PKNOX2: variants seen among roughly 807,000 people sequenced by gnomAD.
PKNOX2 encodes the protein homeobox protein PKNOX2.
In PKNOX2, 14 loss-of-function variants were observed where a neutral mutation model predicts 53.1. The observed-to-expected ratio is 0.26, with a 90% CI of 0.17 to 0.41. The LOEUF is 0.41. Ranked by LOEUF, PKNOX2 falls within the 10% of genes least tolerant of loss-of-function variation. The pLI is 1.00. For missense variants in PKNOX2, 496 were observed against 602.8 expected, an observed-to-expected ratio of 0.82 and a Z score of 1.85; for synonymous variants, 257 against 242.8, an observed-to-expected ratio of 1.06 and a Z score of -0.54.
chr11:125,432,845 A>G lies in PKNOX2; in HGVS notation c.*1453A>G, dbSNP rs1956761690. 6.6e-6 allele frequency: 1 copy of G among 152,582 alleles called. No homozygotes were observed. The highest frequency in any genetic ancestry group is 2.4e-5 in the African/African-American group (1 of 41,404). The allele number at this position is 152,582 out of a possible 1,614,324, so 9.5% of individuals were successfully genotyped here. ...TGCATTGGCCACCTCCTTCAGTGGCAGGATGTGAGTGGCTACCTGGCTCAA... is the reference window on the plus strand; with the variant it reads ...TGCATTGGCCACCTCCTTCAGTGGCGGGATGTGAGTGGCTACCTGGCTCAA... On this transcript the variant is annotated 3_prime_UTR_variant, in exon 13 of 13. Transcript: ENST00000298282.
chr11:125,256,791 C>A (rs959799889), intron 2 of PKNOX2, among the ~76,000 whole-genome samples: 3 of 152,178 alleles, frequency 2.0e-5, no homozygotes, highest in African/African-American at 7.2e-5. Context: ...GCTGTAGTGG[C>A]TGCAGATTTC....
chr11:125,241,079 A>G (rs1042221976), intron 2 of PKNOX2, among the ~76,000 whole-genome samples: 1 of 152,104 alleles, frequency 6.6e-6, no homozygotes, highest in Non-Finnish European at 1.5e-5. Flanking sequence ...GTTCTTTGCT[A>G]TCCACAGGTT....
intron 4 of PKNOX2, among the ~76,000 whole-genome samples, chr11:125,359,047 T>C (rs1274648535): frequency 2.7e-5 from 4 of 145,950 alleles, no homozygotes; most frequent in Non-Finnish European, 6.0e-5. Context: ...GCAGGGGAGA[T>C]GAGGACAGTC....
At chr11:125,248,504 G>A (rs751251123) in intron 2 of PKNOX2, among the ~76,000 whole-genome samples, 4 of 151,970 alleles carry the variant, frequency 2.6e-5, no homozygotes, top group Non-Finnish European at 5.9e-5. Flanking sequence ...ATTTTACTTA[G>A]ATTTCTATTT....
intron 1 of PKNOX2, among the ~76,000 whole-genome samples, chr11:125,234,550 T>C (rs554556816): frequency 4.6e-5 from 7 of 152,314 alleles, no homozygotes; most frequent in Non-Finnish European, 7.3e-5. Context: ...AGCAAGACTT[T>C]CATATTCCTG....
chr11:125,324,498 C>T (rs1949720423), intron 2 of PKNOX2, among the ~76,000 whole-genome samples: 1 of 152,062 alleles, frequency 6.6e-6, no homozygotes, highest in South Asian at 2.1e-4. Flanking sequence ...GCTCTATAGG[C>T]TTGAGATTCC....
At chr11:125,261,131 A>C (rs1010756756) in intron 2 of PKNOX2, among the ~76,000 whole-genome samples, 1 of 152,222 alleles carries the variant, frequency 6.6e-6, no homozygotes, top group Non-Finnish European at 1.5e-5. Context: ...ACCAAGTTCC[A>C]AAGCGATTTG....
At chr11:125,345,894 T>G (rs1015453864) in intron 3 of PKNOX2, among the ~76,000 whole-genome samples, 5 of 152,268 alleles carry the variant, frequency 3.3e-5, no homozygotes, top group Non-Finnish European at 2.9e-5. Flanking sequence ...ACAGGTTATA[T>G]TATATAATGC....
chr11:125,278,217 T>TA (rs530102994), intron 2 of PKNOX2, among the ~76,000 whole-genome samples: 2,196 of 82,696 alleles, frequency 0.027, 31 homozygotes, highest in Admixed American at 0.033. Context: ...AGACCCTGTC[T>TA]AAAAAAAAAA....
intron 3 of PKNOX2, among the ~76,000 whole-genome samples, chr11:125,348,929 C>T (rs1951139256): frequency 1.3e-5 from 2 of 152,176 alleles, no homozygotes; most frequent in African/African-American, 2.4e-5. Context: ...ACTCTGCCCC[C>T]AGGCTCCCTC....
chr11:125,309,607 C>T (rs369280964), intron 2 of PKNOX2, among the ~76,000 whole-genome samples: 3 of 152,070 alleles, frequency 2.0e-5, no homozygotes, highest in East Asian at 1.9e-4. Context: ...AGGCTGGTAT[C>T]GAACTCCTGA....
At chr11:125,192,395 G>A (rs1956931429) in intron 1 of PKNOX2, among the ~76,000 whole-genome samples, 1 of 152,188 alleles carries the variant, frequency 6.6e-6, no homozygotes, top group Non-Finnish European at 1.5e-5. Context: ...TCAGGAAACA[G>A]GCACTGCAAT....
At chr11:125,365,888 ATC>A (rs1170090497) in intron 4 of PKNOX2, among the ~76,000 whole-genome samples, 1 of 152,192 alleles carries the variant, frequency 6.6e-6, no homozygotes, top group Non-Finnish European at 1.5e-5. Flanking sequence ...TCTGATAGCA[ATC>A]TCTCATCTTT....
intron 1 of PKNOX2, among the ~76,000 whole-genome samples, chr11:125,169,981 G>A (rs1320711261): frequency 2.6e-5 from 4 of 152,244 alleles, no homozygotes; most frequent in Non-Finnish European, 2.9e-5. Context: ...TGTATCAGAC[G>A]AATGCAGAAT....
chr11:125,179,961 G>A (rs997381013), intron 1 of PKNOX2, among the ~76,000 whole-genome samples: 1 of 152,146 alleles, frequency 6.6e-6, no homozygotes, highest in Non-Finnish European at 1.5e-5. Flanking sequence ...AAAGGCCAAA[G>A]TCCTCCCCAT....
intron 1 of PKNOX2, among the ~76,000 whole-genome samples, chr11:125,174,990 C>A (rs1955599529): frequency 6.6e-6 from 1 of 152,146 alleles, no homozygotes; most frequent in African/African-American, 2.4e-5. Context: ...TTCCTCCAGC[C>A]TTCCCTGAAG....
At chr11:125,394,545 C>T (rs997582992) in intron 6 of PKNOX2, among the ~76,000 whole-genome samples, 7 of 152,234 alleles carry the variant, frequency 4.6e-5, no homozygotes, top group Non-Finnish European at 1.0e-4. Context: ...GGGCTCCCCA[C>T]TTGAAATGCC....
At chr11:125,201,613 A>G (rs921968906) in intron 1 of PKNOX2, among the ~76,000 whole-genome samples, 1 of 152,156 alleles carries the variant, frequency 6.6e-6, no homozygotes, top group African/African-American at 2.4e-5. Flanking sequence ...CAAGCTAAGG[A>G]GTATCTGACA....
chr11:125,412,834 G>A (rs1341547161), intron 10 of PKNOX2, among the ~76,000 whole-genome samples: 1 of 152,158 alleles, frequency 6.6e-6, no homozygotes, highest in East Asian at 1.9e-4. Context: ...TCAGGGAGGA[G>A]AAAAATCGAA....
Sources: gnomAD v4.1 joint callset for allele counts (sites outside exome capture counted in the v4.1 genomes callset) on GRCh38, gnomAD v4.1.1 for gene constraint, MANE v1.5 for transcripts, NCBI Gene and HGNC (gene_info 2026-07-23, HGNC 2026-07-21) for gene names.